Variants in GLIS3 observed in about 807,000 individuals in gnomAD.
GLIS3 encodes the protein GLIS family zinc finger 3.
A neutral mutation model predicts 78.6 loss-of-function variants in GLIS3; 53 were observed. That is an observed-to-expected ratio of 0.67 (90% CI 0.54 to 0.85). GLIS3 has a LOEUF of 0.85. Ranked by LOEUF, GLIS3 falls within the 40% of genes least tolerant of loss-of-function variation. The probability of loss-of-function intolerance (pLI) is 0.00; values close to 1 mark genes in which losing one functional copy is unlikely to be tolerated. For missense variants in GLIS3, 1,703 were observed against 1,231.1 expected (o/e 1.38, Z -5.74); for synonymous variants, 684 against 509.9 (o/e 1.34, Z -4.60).
intron 2 of GLIS3, among the ~76,000 whole-genome samples, chr9:4,158,467 C>T (rs1188298648): frequency 6.6e-6 from 1 of 152,176 alleles, no homozygotes; most frequent in African/African-American, 2.4e-5. Context: ...GCTTCATTTA[C>T]CTAAGCAGAA....
chr9:4,104,569 C>A (rs536941908), intron 4 of GLIS3, among the ~76,000 whole-genome samples: 4 of 152,272 alleles, frequency 2.6e-5, no homozygotes, highest in Admixed American at 2.0e-4. Context: ...CAGACCCTAT[C>A]ACTCCTCTAC....
chr9:4,117,874 G>A lies in GLIS3; in HGVS notation c.1604C>T (p.Thr535Ile). ...TCGAGGGCAACCGGCCCAGAAGCAA[G>A]TGAAGTCCTCCCCTTTGCGCTGGTC... Reference protein sequence around the residue: ...HIDQRKGEDFTCFWAGCPRRY... With the variant: ...HIDQRKGEDFICFWAGCPRRY... The change falls in exon 4 of 11, where the codon ACT becomes ATT. Residue 535 changes from threonine to isoleucine, a missense_variant. Coordinates refer to ENST00000381971, the MANE Select transcript of GLIS3 (RefSeq NM_001042413.2). The A allele has an allele frequency of 6.2e-7, 1 of 1,614,144 alleles. No homozygotes were observed. The highest frequency in any genetic ancestry group is 1.3e-5 in the African/African-American group (1 of 75,042).
At chr9:4,295,138 T>A (rs958963326) in intron 1 of GLIS3, among the ~76,000 whole-genome samples, 2 of 152,152 alleles carry the variant, frequency 1.3e-5, no homozygotes, top group African/African-American at 4.8e-5. Flanking sequence ...AAATCCCAGC[T>A]AAAAGTTGCA....
chr9:4,009,637 G>A (rs759918350), intron 4 of GLIS3, among the ~76,000 whole-genome samples: 2 of 152,178 alleles, frequency 1.3e-5, no homozygotes, highest in African/African-American at 2.4e-5. Flanking sequence ...GTTACGTTTG[G>A]CAGAAGAATG....
At chr9:4,441,998 G>T in the GLIS3 span, among the ~76,000 whole-genome samples, 1 of 152,120 alleles carries the variant, frequency 6.6e-6, no homozygotes, top group Non-Finnish European at 1.5e-5. Flanking sequence ...CTGTTCTTCA[G>T]TTTTTTGGAA....
chr9:3,956,580 C>T (rs200760164), intron 4 of GLIS3, among the ~76,000 whole-genome samples: 1 of 152,200 alleles, frequency 6.6e-6, no homozygotes, highest in Non-Finnish European at 1.5e-5. Flanking sequence ...CACACTGGAT[C>T]TAACCCCTAG....
At position 3,825,106 on chromosome 9, in the gene GLIS3, G is replaced by C. The variant is rs1187818818; in HGVS notation, c.*3166C>G. The C allele has an allele frequency of 6.6e-6, 1 of 152,112 alleles. No individual in the cohort carries two copies. Among genetic ancestry groups the C allele is most frequent in the Non-Finnish European group, 1.5e-5 (1 of 68,026 alleles). 9.4% of individuals were successfully genotyped at this position (152,112 alleles called of 1,614,324 possible). A position where few individuals can be genotyped will look rare whatever the true frequency, so the allele number is the denominator to read the frequency against. Reference sequence around the variant, plus strand: ...TGGAAAGTCAAGGTTCTCAGATGAGGGAGTTGAATTTATCCTTGCTCAAAA... The same window carrying C: ...TGGAAAGTCAAGGTTCTCAGATGAGCGAGTTGAATTTATCCTTGCTCAAAA... On this transcript the variant is annotated 3_prime_UTR_variant, in exon 11 of 11. Coordinates refer to ENST00000381971, the MANE Select transcript of GLIS3 (RefSeq NM_001042413.2).
At chr9:4,465,969 G>A in the GLIS3 span, among the ~76,000 whole-genome samples, 1 of 152,096 alleles carries the variant, frequency 6.6e-6, no homozygotes, top group South Asian at 2.1e-4. Flanking sequence ...TTAAAAATGT[G>A]GCCCACAAAA....
chr9:4,365,541 G>C, the GLIS3 span, among the ~76,000 whole-genome samples: 1 of 151,726 alleles, frequency 6.6e-6, no homozygotes, highest in African/African-American at 2.4e-5. Flanking sequence ...GGGTGACAGA[G>C]TGAGACTCCA....
At chr9:4,078,818 T>C (rs1284881278) in intron 4 of GLIS3, among the ~76,000 whole-genome samples, 2 of 152,204 alleles carry the variant, frequency 1.3e-5, no homozygotes, top group Non-Finnish European at 2.9e-5. Context: ...CTACTATGAA[T>C]GTGTTTAGCT....
chr9:3,874,581 G>T (rs760105400), intron 8 of GLIS3, among the ~76,000 whole-genome samples: 4 of 152,184 alleles, frequency 2.6e-5, no homozygotes, highest in Admixed American at 6.5e-5. Context: ...ACTGGCATCA[G>T]AAGTGGGGGG....
chr9:4,089,579 G>A lies in GLIS3; in HGVS notation c.1710+28189C>T, dbSNP rs890668049. On this transcript the variant is annotated intron_variant, in intron 4 of 10. Coordinates refer to ENST00000381971, the MANE Select transcript of GLIS3 (RefSeq NM_001042413.2). ...AGTGGCTCACACCTGTAATCCCAGC[G>A]CTTTGGGAGACCCAAGCAGGAGGAT... Among the ~76,000 whole-genome samples, 14 of 152,016 alleles carry A rather than the reference G, an allele frequency of 9.2e-5. No homozygotes were observed. In the East Asian group the frequency reaches 9.7e-4, roughly 10 times the overall value.
chr9:4,354,899 T>A, the GLIS3 span, among the ~76,000 whole-genome samples: 4 of 152,036 alleles, frequency 2.6e-5, no homozygotes, highest in Non-Finnish European at 5.9e-5. Flanking sequence ...GGCGGATCAC[T>A]AGGTCAGGAG....
intron 4 of GLIS3, among the ~76,000 whole-genome samples, chr9:3,942,431 G>C (rs1189488500): frequency 6.6e-6 from 1 of 152,096 alleles, no homozygotes; most frequent in Non-Finnish European, 1.5e-5. Context: ...TGGGCGGGAG[G>C]ATCAGCAAAT....
intron 4 of GLIS3, chr9:4,071,377 T>C (rs756212414): frequency 7.2e-5 from 11 of 152,242 alleles, no homozygotes; most frequent in Non-Finnish European, 1.5e-4. Context: ...CATTCCAAAA[T>C]GATCCTAGAG....
chr9:4,158,432 G>A (rs1177247712), intron 2 of GLIS3, among the ~76,000 whole-genome samples: 1 of 152,184 alleles, frequency 6.6e-6, no homozygotes, highest in Non-Finnish European at 1.5e-5. Context: ...GGTCAGGCAG[G>A]AAGGGTCGAG....
chr9:4,037,417 A>G (rs563447517), intron 4 of GLIS3, among the ~76,000 whole-genome samples: 1 of 152,170 alleles, frequency 6.6e-6, no homozygotes, highest in South Asian at 2.1e-4. Context: ...TAAATTAGCT[A>G]CATTTTTACC....
At chr9:3,869,268 T>TGTGTGG (rs1327288974) in intron 8 of GLIS3, among the ~76,000 whole-genome samples, 2 of 7,018 alleles carry the variant, frequency 2.8e-4, no homozygotes, top group Non-Finnish European at 5.4e-4. Flanking sequence ...TTATCTAGGG[T>TGTGTGG]GTGTGTGTGT....
chr9:4,077,577 G>A (rs552275438), intron 4 of GLIS3, among the ~76,000 whole-genome samples: 4 of 152,330 alleles, frequency 2.6e-5, no homozygotes, highest in East Asian at 1.9e-4. Context: ...TGGCCGTTAA[G>A]CTATTGCATC....
Sources: gnomAD v4.1 joint callset for allele counts (sites outside exome capture counted in the v4.1 genomes callset) on GRCh38, gnomAD v4.1.1 for gene constraint, MANE v1.5 for transcripts, NCBI Gene and HGNC (gene_info 2026-07-23, HGNC 2026-07-21) for gene names.